The following TOX2 variants were observed in gnomAD, a reference collection of about 807,000 sequenced individuals.
The protein encoded by TOX2 is granulosa cell HMG box 1.
A neutral mutation model predicts 47.4 loss-of-function variants in TOX2; 15 were observed. The observed-to-expected ratio is 0.32, with a 90% CI of 0.21 to 0.49. The LOEUF (loss-of-function observed/expected upper bound fraction) is 0.49, where lower values mean the gene tolerates loss of function less well. Among genes scored for constraint, TOX2 ranks in the 20% least tolerant of loss-of-function variants. TOX2 has a pLI of 0.99. For missense variants in TOX2, 622 were observed against 673.1 expected (o/e 0.92, Z 0.84); for synonymous variants, 290 against 296.6 (o/e 0.98, Z 0.23).
At chr20:43,966,753 CAAAAAAA>C (rs11483515) in intron 1 of TOX2, among the ~76,000 whole-genome samples, 1 of 91,110 alleles carries the variant, frequency 1.1e-5, no homozygotes, top group Non-Finnish European at 2.3e-5. Flanking sequence ...AACTCTGTCT[CAAAAAAA>C]AAAAAAAAAA....
chr20:43,954,178 C>T (rs2069628194), intron 1 of TOX2, among the ~76,000 whole-genome samples: 1 of 152,112 alleles, frequency 6.6e-6, no homozygotes, highest in South Asian at 2.1e-4. Flanking sequence ...GCCTGTTATT[C>T]CCCCTGCATG....
At chr20:44,009,572 T>A (rs1247766923) in intron 3 of TOX2, among the ~76,000 whole-genome samples, 1 of 152,184 alleles carries the variant, frequency 6.6e-6, no homozygotes, top group Admixed American at 6.5e-5. Flanking sequence ...AGGTTGCAAT[T>A]TTTTGAATTT....
At chr20:43,993,828 T>A (rs6031280) in intron 2 of TOX2, among the ~76,000 whole-genome samples, 1 of 152,016 alleles carries the variant, frequency 6.6e-6, no homozygotes, top group African/African-American at 2.4e-5. Context: ...AAGTAAAGTA[T>A]CAAAGAGGCA....
At chr20:43,988,143 C>T (rs896597252) in intron 2 of TOX2, among the ~76,000 whole-genome samples, 3 of 152,074 alleles carry the variant, frequency 2.0e-5, no homozygotes, top group African/African-American at 7.2e-5. Context: ...TGGTCTTGAT[C>T]TCTTGACCTC....
intron 3 of TOX2, among the ~76,000 whole-genome samples, chr20:44,042,237 A>G (rs1450051267): frequency 1.3e-5 from 2 of 152,216 alleles, no homozygotes; most frequent in Non-Finnish European, 2.9e-5. Flanking sequence ...CGTATTCACT[A>G]TCACAAGAAC....
intron 5 of TOX2, among the ~76,000 whole-genome samples, chr20:44,059,157 G>C (rs2071673929): frequency 6.6e-6 from 1 of 152,162 alleles, no homozygotes. Flanking sequence ...AAAATCTCCA[G>C]TGAAATAGCA....
chr20:43,992,140 G>A (rs2070379173), intron 2 of TOX2, among the ~76,000 whole-genome samples: 1 of 152,186 alleles, frequency 6.6e-6, no homozygotes, highest in Non-Finnish European at 1.5e-5. Context: ...GGACATTGCA[G>A]TAGAGGGAAC....
At chr20:43,952,599 C>T (rs1363993056) in intron 1 of TOX2, among the ~76,000 whole-genome samples, 2 of 152,154 alleles carry the variant, frequency 1.3e-5, no homozygotes, top group African/African-American at 2.4e-5. Flanking sequence ...AGGAGACCCA[C>T]GTTGTTTCTG....
At position 44,066,068 on chromosome 20, in the gene TOX2, G is replaced by A; in HGVS notation, c.1317G>A (p.Gln439=). 6.4e-7 allele frequency: 1 copy of A among 1,572,236 alleles called. No individual in the cohort carries two copies. Among genetic ancestry groups the A allele is most frequent in the Admixed American group, 1.7e-5 (1 of 57,186 alleles). Residue 439 remains glutamine, a synonymous_variant, in exon 7 of 9, where the codon CAG becomes CAA. Coordinates refer to ENST00000341197, the MANE Select transcript of TOX2 (RefSeq NM_001098797.2). ...PPVLPTPMAL[Q]VQLAMSPSPP... is the part of the protein sequence containing the mutation. The stretch of plus-strand genomic sequence containing the variant: ...TCCTGCCCACCCCCATGGCACTCCA[G>A]GTGCAGCTGGCGATGAGCCCCTCAC...
At chr20:44,054,177 C>A (rs2071576348) in intron 4 of TOX2, 122 bp from the exon 5 acceptor site, 1 of 1,011,552 alleles carries the variant, frequency 9.9e-7, no homozygotes, top group Non-Finnish European at 1.5e-6. Context: ...CTCCATCGCG[C>A]GAGTGGTTAT....
intron 5 of TOX2, among the ~76,000 whole-genome samples, chr20:44,057,421 G>C (rs2071639809): frequency 6.6e-6 from 1 of 152,154 alleles, no homozygotes. Context: ...ATCACATTTA[G>C]AAATGTGACT....
Position 43,915,181 on chromosome 20 carries a change from C to T in TOX2, c.99+191C>T, listed in dbSNP as rs368931758. On this transcript the variant is annotated intron_variant, in intron 1 of 8. Coordinates refer to ENST00000341197, the MANE Select transcript of TOX2 (RefSeq NM_001098797.2). The surrounding 1 kb of genome is among the most constrained non-coding windows in gnomAD (Gnocchi z 7.1). ...TTGGGATCGCGGGCAGAAGTCATCC[C>T]GACAGCCACCCGTGCGACGACACAG... Among the ~76,000 whole-genome samples, 8 of 152,214 alleles carry T rather than the reference C, an allele frequency of 5.3e-5. No homozygotes were observed. The East Asian group carries it at 1.6e-3, about 30-fold the overall frequency.
chr20:44,058,708 A>G (rs6031329), intron 5 of TOX2, among the ~76,000 whole-genome samples: 42 of 152,334 alleles, frequency 2.8e-4, no homozygotes, highest in African/African-American at 9.9e-4. Flanking sequence ...CTGAAGACAG[A>G]TCACATCACA....
At chr20:43,968,610 A>G (rs899503041) in intron 1 of TOX2, among the ~76,000 whole-genome samples, 3 of 152,212 alleles carry the variant, frequency 2.0e-5, no homozygotes, top group Non-Finnish European at 4.4e-5. Context: ...TACACATTCG[A>G]TATTTGCAAA....
At chr20:44,044,278 G>T (rs781176938) in intron 3 of TOX2, among the ~76,000 whole-genome samples, 7 of 152,052 alleles carry the variant, frequency 4.6e-5, no homozygotes, top group Non-Finnish European at 1.5e-5. Flanking sequence ...GGCCTGTTGT[G>T]GGGGGCGGTT....
chr20:43,945,888 AT>A, intron 1 of TOX2: 1 of 1,609,336 alleles, frequency 6.2e-7, no homozygotes, highest in Non-Finnish European at 8.5e-7. Context: ...TATTTCTGGC[AT>A]TTTTTCCTCT....
At chr20:43,966,910 A>C (rs527528054) in intron 1 of TOX2, among the ~76,000 whole-genome samples, 2 of 152,104 alleles carry the variant, frequency 1.3e-5, no homozygotes, top group Admixed American at 6.5e-5. Flanking sequence ...CGATTGCCCA[A>C]ATATCGCTAG....
At chr20:43,927,618 T>TC (rs2069187286) in intron 1 of TOX2, among the ~76,000 whole-genome samples, 1 of 79,260 alleles carries the variant, frequency 1.3e-5, no homozygotes, top group African/African-American at 1.2e-4. Context: ...CCTTCCTTCC[T>TC]TCCTTCCTCC....
intron 2 of TOX2, among the ~76,000 whole-genome samples, chr20:43,987,768 G>A (rs1271905068): frequency 6.6e-6 from 1 of 152,144 alleles, no homozygotes; most frequent in Admixed American, 6.5e-5. Context: ...TGGATGATGA[G>A]CTGTGAAATT....
Sources: gnomAD v4.1 joint callset for allele counts (sites outside exome capture counted in the v4.1 genomes callset) on GRCh38, gnomAD v4.1.1 for gene constraint, Gnocchi (gnomAD v3.1) non-coding constraint, MANE v1.5 for transcripts, NCBI Gene and HGNC (gene_info 2026-07-23, HGNC 2026-07-21) for gene names.